DRC4: variants seen among roughly 807,000 people sequenced by gnomAD.
The protein encoded by DRC4 is GAS-11.
chr16:90,022,852 C>A, the DRC4 span: 1 of 938,700 alleles, frequency 1.1e-6, no homozygotes, highest in Non-Finnish European at 1.4e-6. Context: ...GAATTGAGAG[C>A]TCGGTGCTCT....
the DRC4 span, chr16:90,029,060 C>G: frequency 8.1e-7 from 1 of 1,228,382 alleles, no homozygotes; most frequent in Non-Finnish European, 1.0e-6. Flanking sequence ...GTTGTCCCAG[C>G]ATGTGAGCTG....
chr16:90,044,641 C>T, the DRC4 span: 2 of 470,480 alleles, frequency 4.3e-6, no homozygotes, highest in African/African-American at 2.0e-5. Flanking sequence ...GAGGATGAGG[C>T]TGCAGAGATG....
chr16:90,022,590 G>A, the DRC4 span: 6 of 1,072,072 alleles, frequency 5.6e-6, no homozygotes, highest in Admixed American at 3.9e-5. Context: ...TGGCAGGGCC[G>A]CTGCCCGGCG....
the DRC4 span, among the ~76,000 whole-genome samples, chr16:90,028,585 A>G: frequency 1.3e-5 from 2 of 152,084 alleles, no homozygotes; most frequent in Non-Finnish European, 2.9e-5. Flanking sequence ...TGATGTTTTT[A>G]TAGTTTCTTT....
the DRC4 span, chr16:90,035,860 C>T: frequency 9.3e-6 from 14 of 1,498,624 alleles, no homozygotes; most frequent in East Asian, 2.9e-4. Flanking sequence ...ACTCAGAATC[C>T]CAGAACAACC....
chr16:90,044,028 C>T, the DRC4 span: 4,408 of 432,774 alleles, frequency 0.01, 184 homozygotes, highest in African/African-American at 0.084. Context: ...AAGGGGATAG[C>T]AGCAAACCAC....
At chr16:90,022,778 G>C in the DRC4 span, 4 of 1,301,560 alleles carry the variant, frequency 3.1e-6, no homozygotes, top group African/African-American at 4.6e-5. Context: ...CGGAGACCTC[G>C]GGGCAGGGAG....
chr16:90,024,159 A>ACAC, the DRC4 span, among the ~76,000 whole-genome samples: 1 of 93,494 alleles, frequency 1.1e-5, no homozygotes, highest in Admixed American at 1.1e-4. Flanking sequence ...CACACACACA[A>ACAC]AATTAGCCGG....
chr16:90,037,361 CA>C, the DRC4 span: 10 of 1,613,852 alleles, frequency 6.2e-6, no homozygotes, highest in Admixed American at 3.3e-5. Context: ...GATGCAGAAA[CA>C]GCTCGCAAAC....
the DRC4 span, chr16:90,036,303 T>G: frequency 7.5e-7 from 1 of 1,340,734 alleles, no homozygotes. Context: ...TTTGGGCCCG[T>G]TTACAGGCTC....
At chr16:90,023,093 A>C in the DRC4 span, among the ~76,000 whole-genome samples, 1 of 152,204 alleles carries the variant, frequency 6.6e-6, no homozygotes, top group Non-Finnish European at 1.5e-5. Flanking sequence ...CTAGGGTTTC[A>C]GCTCACGAGG....
the DRC4 span, chr16:90,036,082 G>C: frequency 1.6e-6 from 1 of 624,666 alleles, no homozygotes; most frequent in Non-Finnish European, 2.6e-6. Flanking sequence ...GGCCACACAG[G>C]CCTCGGTTAC....
the DRC4 span, chr16:90,031,442 G>A: frequency 1.9e-6 from 3 of 1,607,500 alleles, no homozygotes; most frequent in Non-Finnish European, 2.5e-6. Context: ...CTGAGCTGCG[G>A]AACAAAGACC....
chr16:90,028,051 T>C, the DRC4 span: 42 of 251,104 alleles, frequency 1.7e-4, no homozygotes, highest in Middle Eastern at 2.5e-3. Context: ...TATAGACTTA[T>C]CGTAGAACAC....
chr16:90,037,457 G>T, the DRC4 span: 8 of 1,543,748 alleles, frequency 5.2e-6, no homozygotes, highest in Non-Finnish European at 4.4e-6. Flanking sequence ...AGGCTCAGGA[G>T]GGAGGAGCAT....
chr16:90,043,924 C>T, the DRC4 span: 14 of 436,288 alleles, frequency 3.2e-5, no homozygotes, highest in African/African-American at 1.6e-4. Flanking sequence ...CTAACTCCCT[C>T]GGTAGGTGAT....
At chr16:90,032,736 A>T in the DRC4 span, 1 of 1,613,860 alleles carries the variant, frequency 6.2e-7, no homozygotes, top group Non-Finnish European at 8.5e-7. Flanking sequence ...GCAGAAAGTG[A>T]AGCACCTGCT....
At chr16:90,030,188 T>C in the DRC4 span, among the ~76,000 whole-genome samples, 4 of 152,234 alleles carry the variant, frequency 2.6e-5, no homozygotes, top group African/African-American at 7.2e-5. Context: ...GTATATTTTT[T>C]GCTTAACATT....
the DRC4 span, chr16:90,036,554 C>G: frequency 6.3e-7 from 1 of 1,595,096 alleles, no homozygotes; most frequent in Admixed American, 1.8e-5. Context: ...CGACATCACC[C>G]TCAACAACCT....
Sources: gnomAD v4.1 joint callset for allele counts (sites outside exome capture counted in the v4.1 genomes callset) on GRCh38, gnomAD v4.1.1 for gene constraint, MANE v1.5 for transcripts, NCBI Gene and HGNC (gene_info 2026-07-23, HGNC 2026-07-21) for gene names.